The following ZMYM2 variants were observed in gnomAD, a reference collection of about 807,000 sequenced individuals.
ZMYM2 encodes zinc finger MYM-type protein 2.
Under a neutral mutation model 162.8 loss-of-function variants are expected in ZMYM2, and 56 were observed. The observed-to-expected ratio is 0.34, with a 90% CI of 0.28 to 0.43. The LOEUF (loss-of-function observed/expected upper bound fraction) is 0.43, where lower values mean the gene tolerates loss of function less well. ZMYM2 is among the 20% of genes least tolerant of loss of function. ZMYM2 has a pLI of 1.00. For synonymous variants in ZMYM2, 510 were observed against 541.6 expected (o/e 0.94, Z 0.81); for missense variants, 1,275 against 1,621.8 (o/e 0.79, Z 3.67).
chr13:20,006,385 A>G lies in ZMYM2; in HGVS notation c.1311A>G (p.Glu437=), dbSNP rs1480980014. The G allele has an allele frequency of 2.5e-6, 4 of 1,584,660 alleles. No individual in the cohort carries two copies. Among genetic ancestry groups the G allele is most frequent in the Non-Finnish European group, 2.6e-6 (3 of 1,164,534 alleles). ...TATTTTTCTTTTAGATTCGCCATGA[A>G]GTCAGCTTTAAAAATATGACTCATA... The part of the protein sequence containing the change: ...ICGKLTEIRH[E]VSFKNMTHKL... Residue 437 remains glutamate (E), a synonymous_variant, in exon 6 of 25, where the codon GAA becomes GAG. Coordinates refer to ENST00000610343, the MANE Select transcript of ZMYM2 (RefSeq NM_197968.4).
chr13:19,877,212 A>AG, the ZMYM2 span, among the ~76,000 whole-genome samples: 192 of 4,774 alleles, frequency 0.04, 1 homozygote, highest in Non-Finnish European at 0.32. Flanking sequence ...ACTCCGTCTC[A>AG]AAAAAAAAAA....
intron 3 of ZMYM2, among the ~76,000 whole-genome samples, chr13:20,001,300 G>A (rs1256727236): frequency 6.6e-6 from 1 of 151,434 alleles, no homozygotes; most frequent in Non-Finnish European, 1.5e-5. Flanking sequence ...ACTGAGGCAT[G>A]AGAATTGCTT....
chr13:19,973,080 G>A (rs962441802), intron 2 of ZMYM2, among the ~76,000 whole-genome samples: 2 of 151,722 alleles, frequency 1.3e-5, no homozygotes, highest in African/African-American at 4.8e-5. Context: ...GGGATTACAG[G>A]TGCCCGCCAC....
chr13:19,887,985 G>C, the ZMYM2 span, among the ~76,000 whole-genome samples: 1 of 151,228 alleles, frequency 6.6e-6, no homozygotes, highest in Non-Finnish European at 1.5e-5. Flanking sequence ...GGGTTCAAGC[G>C]ATTCTCCTGC....
At chr13:20,012,656 A>T (rs1331172393) in intron 6 of ZMYM2, among the ~76,000 whole-genome samples, 1 of 152,242 alleles carries the variant, frequency 6.6e-6, no homozygotes, top group East Asian at 1.9e-4. Context: ...TTTGTTTATT[A>T]TGTGAGGCAG....
At chr13:19,892,962 C>G in the ZMYM2 span, among the ~76,000 whole-genome samples, 2 of 151,506 alleles carry the variant, frequency 1.3e-5, no homozygotes, top group African/African-American at 4.9e-5. Flanking sequence ...TTCCGCCCAC[C>G]TCAGCCTCCC....
chr13:19,911,957 C>T, the ZMYM2 span, among the ~76,000 whole-genome samples: 4 of 152,166 alleles, frequency 2.6e-5, no homozygotes, highest in Non-Finnish European at 5.9e-5. Flanking sequence ...TCCCACCACA[C>T]CTCCATTCAA....
At chr13:19,978,542 G>A (rs1377797817) in intron 2 of ZMYM2, among the ~76,000 whole-genome samples, 2 of 151,864 alleles carry the variant, frequency 1.3e-5, no homozygotes, top group African/African-American at 2.4e-5. Flanking sequence ...TCAGCCTGCC[G>A]AGTAGCTGGG....
At chr13:20,025,542 T>A (rs1391553423) in intron 7 of ZMYM2, 1 of 160,382 alleles carries the variant, frequency 6.2e-6, no homozygotes, top group Non-Finnish European at 1.4e-5. Flanking sequence ...CCCAGGCTGG[T>A]CTCAAACTCC....
chr13:20,026,618 G>T lies in ZMYM2; in HGVS notation c.1591G>T (p.Gly531Ter). 1 of 1,589,010 alleles carries T rather than the reference G, an allele frequency of 6.3e-7. No individual in the cohort carries two copies. The highest frequency in any genetic ancestry group is 8.5e-7 in the Non-Finnish European group (1 of 1,173,878). ...TTTATGTTTCAAATTTTAGAAATATGGAAAACTGACAACTTGTACTGGTTG... is the reference window on the plus strand; with the variant it reads ...TTTATGTTTCAAATTTTAGAAATATTGAAAACTGACAACTTGTACTGGTTG... ...DSFLMQPEKYGKLTTCTGCRT... is the reference protein window; with the variant it reads ...DSFLMQPEKY Residue 531 changes from glycine to a stop codon, truncating the protein, a stop_gained, in exon 8 of 25, where the codon GGA becomes TGA. Transcript: ENST00000610343. LOFTEE classifies it high-confidence loss of function.
At chr13:20,073,236 A>G (rs1217493769) in intron 21 of ZMYM2, among the ~76,000 whole-genome samples, 11 of 152,190 alleles carry the variant, frequency 7.2e-5, no homozygotes, top group Admixed American at 7.2e-4. Flanking sequence ...AATCCAGCTC[A>G]GGAATCAGCC....
At chr13:20,083,072 T>A (rs772142203) in intron 23 of ZMYM2, 40 bp downstream of exon 23, 4 of 1,482,002 alleles carry the variant, frequency 2.7e-6, no homozygotes, top group Admixed American at 4.8e-5. Flanking sequence ...TATTTTTAAA[T>A]TTTTTTTGAG....
At chr13:20,049,931 A>G (rs575100141) in intron 12 of ZMYM2, among the ~76,000 whole-genome samples, 1 of 152,120 alleles carries the variant, frequency 6.6e-6, no homozygotes, top group African/African-American at 2.4e-5. Flanking sequence ...ATAAAAAGGG[A>G]AAAAGAAACT....
chr13:19,965,249 A>T, intron 2 of ZMYM2: 1 of 1,301,450 alleles, frequency 7.7e-7, no homozygotes, highest in Non-Finnish European at 1.0e-6. Flanking sequence ...TCTCTGCCGT[A>T]GTCACCTGGA....
At chr13:19,995,685 CT>C (rs918776964) in intron 3 of ZMYM2, among the ~76,000 whole-genome samples, 27 of 151,398 alleles carry the variant, frequency 1.8e-4, no homozygotes, top group African/African-American at 6.5e-4. Context: ...AGCCCCCCAC[CT>C]TTTTTTTTGA....
At chr13:20,060,559 T>G (rs190492) in intron 16 of ZMYM2, among the ~76,000 whole-genome samples, 15,411 of 152,038 alleles carry the variant, frequency 0.1, 1,285 homozygotes, top group African/African-American at 0.22. Flanking sequence ...ATGCCTGTAA[T>G]CCCAGCTGCT....
intron 6 of ZMYM2, among the ~76,000 whole-genome samples, chr13:20,007,701 A>G (rs971390706): frequency 3.4e-5 from 5 of 148,950 alleles, no homozygotes; most frequent in Non-Finnish European, 7.4e-5. Flanking sequence ...GCTCACTGCA[A>G]CTTCCACCTC....
intron 2 of ZMYM2, among the ~76,000 whole-genome samples, chr13:19,990,869 A>C (rs536510257): frequency 1.3e-5 from 2 of 152,224 alleles, no homozygotes; most frequent in East Asian, 3.9e-4. Flanking sequence ...AATTTAATCT[A>C]TAGTCTATAC....
intron 4 of ZMYM2, among the ~76,000 whole-genome samples, chr13:20,004,294 G>A (rs1457533449): frequency 2.6e-5 from 4 of 151,856 alleles, no homozygotes; most frequent in South Asian, 2.1e-4. Flanking sequence ...TCGCTCTGTC[G>A]CCCTGGCTGG....
Sources: gnomAD v4.1 joint callset for allele counts (sites outside exome capture counted in the v4.1 genomes callset) on GRCh38, gnomAD v4.1.1 for gene constraint, MANE v1.5 for transcripts, NCBI Gene and HGNC (gene_info 2026-07-23, HGNC 2026-07-21) for gene names.